SLC24A2: variants seen among roughly 807,000 people sequenced by gnomAD.
SLC24A2 encodes the protein solute carrier family 24 member 2.
Under a neutral mutation model 62.0 loss-of-function variants are expected in SLC24A2, and 36 were observed. The ratio of observed to expected loss-of-function variants is 0.58; its 90% CI spans 0.44 to 0.77. The LOEUF is 0.77. Ranked by LOEUF, SLC24A2 falls within the 30% of genes least tolerant of loss-of-function variation. SLC24A2 has a pLI of 0.00. For missense variants in SLC24A2, 846 were observed against 817.9 expected (o/e 1.03, Z -0.42); for synonymous variants, 358 against 294.0 (o/e 1.22, Z -2.23).
the SLC24A2 span, among the ~76,000 whole-genome samples, chr9:20,162,803 C>T: frequency 6.6e-6 from 1 of 152,076 alleles, no homozygotes; most frequent in Non-Finnish European, 1.5e-5. Context: ...GGCTTCATCC[C>T]TGGGATGCAA....
chr9:19,970,896 T>C, the SLC24A2 span, among the ~76,000 whole-genome samples: 1 of 152,180 alleles, frequency 6.6e-6, no homozygotes, highest in Admixed American at 6.5e-5. Flanking sequence ...TCTGATATGA[T>C]TGGACAGAAA....
intron 2 of SLC24A2, among the ~76,000 whole-genome samples, chr9:19,674,766 C>A (rs1208544138): frequency 6.6e-6 from 1 of 152,010 alleles, no homozygotes; most frequent in African/African-American, 2.4e-5. Context: ...TATCTTGTAT[C>A]TTTTTCAAAA....
chr9:19,889,199 G>A, the SLC24A2 span, among the ~76,000 whole-genome samples: 1 of 152,110 alleles, frequency 6.6e-6, no homozygotes, highest in Non-Finnish European at 1.5e-5. Flanking sequence ...ATTTACACTG[G>A]GAAGGATATT....
chr9:20,221,859 A>G, the SLC24A2 span, among the ~76,000 whole-genome samples: 1 of 152,094 alleles, frequency 6.6e-6, no homozygotes. Flanking sequence ...GGTATTTTCT[A>G]CCCAGCAAAG....
chr9:20,281,303 T>C, the SLC24A2 span, among the ~76,000 whole-genome samples: 7 of 152,344 alleles, frequency 4.6e-5, no homozygotes, highest in East Asian at 1.2e-3. Flanking sequence ...AAGGAAACTA[T>C]AAACTTTTTA....
intron 2 of SLC24A2, among the ~76,000 whole-genome samples, chr9:19,658,668 A>C (rs1470815495): frequency 6.6e-6 from 1 of 152,200 alleles, no homozygotes; most frequent in African/African-American, 2.4e-5. Flanking sequence ...GCCAACATTT[A>C]GGTGTTGAAT....
chr9:19,620,354 A>G (rs1817878781), intron 3 of SLC24A2, among the ~76,000 whole-genome samples: 4 of 152,194 alleles, frequency 2.6e-5, no homozygotes, highest in African/African-American at 4.8e-5. Flanking sequence ...CTCCTGGGCT[A>G]CCTCATCTCT....
At chr9:20,186,787 A>G in the SLC24A2 span, among the ~76,000 whole-genome samples, 10 of 152,204 alleles carry the variant, frequency 6.6e-5, no homozygotes, top group Non-Finnish European at 1.2e-4. Context: ...AGCCTGGCAC[A>G]GAGTAAGTAT....
the SLC24A2 span, among the ~76,000 whole-genome samples, chr9:20,003,283 T>TTAGACACA: frequency 7.9e-5 from 12 of 152,168 alleles, no homozygotes; most frequent in East Asian, 2.1e-3. Context: ...AATCCAGCAA[T>TTAGACACA]TAGCCACATA....
At chr9:20,054,724 T>C in the SLC24A2 span, among the ~76,000 whole-genome samples, 118 of 152,296 alleles carry the variant, frequency 7.7e-4, 1 homozygote, top group East Asian at 0.018. Flanking sequence ...TGTGAATGCA[T>C]TGAAATCTCC....
chr9:20,162,224 C>G, the SLC24A2 span, among the ~76,000 whole-genome samples: 4 of 151,522 alleles, frequency 2.6e-5, no homozygotes, highest in African/African-American at 9.7e-5. Flanking sequence ...TGCAACATAG[C>G]AAGACACCTC....
the SLC24A2 span, among the ~76,000 whole-genome samples, chr9:19,830,605 C>T: frequency 6.6e-6 from 1 of 152,154 alleles, no homozygotes; most frequent in Non-Finnish European, 1.5e-5. Flanking sequence ...ACTGAATCTT[C>T]CAGGAGTCTT....
At chr9:20,110,600 C>T in the SLC24A2 span, among the ~76,000 whole-genome samples, 1 of 152,024 alleles carries the variant, frequency 6.6e-6, no homozygotes, top group African/African-American at 2.4e-5. Context: ...TCTTCTATGC[C>T]ACCCAGAGTC....
At chr9:19,697,749 G>A (rs887014622) in intron 2 of SLC24A2, among the ~76,000 whole-genome samples, 5 of 152,086 alleles carry the variant, frequency 3.3e-5, no homozygotes, top group African/African-American at 2.4e-5. Context: ...CCTCAAAGAA[G>A]ACACAATTCA....
chr9:20,236,312 G>C, the SLC24A2 span, among the ~76,000 whole-genome samples: 4 of 152,174 alleles, frequency 2.6e-5, no homozygotes, highest in Non-Finnish European at 5.9e-5. Context: ...ATTCAAGACA[G>C]ATACATACAA....
chr9:19,566,252 C>T (rs1318847973), intron 7 of SLC24A2, among the ~76,000 whole-genome samples: 2 of 149,384 alleles, frequency 1.3e-5, no homozygotes, highest in African/African-American at 4.9e-5. Context: ...CTACAATGAA[C>T]TCAAACAAAT....
At chr9:20,248,844 C>A in the SLC24A2 span, among the ~76,000 whole-genome samples, 1 of 152,174 alleles carries the variant, frequency 6.6e-6, no homozygotes, top group Non-Finnish European at 1.5e-5. Context: ...CATGGCAGAC[C>A]TCCTACAGGG....
the SLC24A2 span, among the ~76,000 whole-genome samples, chr9:20,189,068 T>A: frequency 7.8e-6 from 1 of 127,494 alleles, no homozygotes; most frequent in African/African-American, 3.3e-5. Context: ...TGGCTTTTCT[T>A]TTTTTTTCTT....
chr9:20,303,660 A>G, the SLC24A2 span, among the ~76,000 whole-genome samples: 1 of 152,316 alleles, frequency 6.6e-6, no homozygotes. Context: ...TTAGCTGCCC[A>G]ATTATTACCT....
Sources: allele counts gnomAD v4.1 joint callset (sites outside exome capture counted in the v4.1 genomes callset), GRCh38; gene constraint gnomAD v4.1.1; transcripts MANE v1.5; gene names NCBI Gene and HGNC (gene_info 2026-07-23, HGNC 2026-07-21).